The following RYR3 variants were observed in gnomAD, a reference collection of about 807,000 sequenced individuals.
RYR3 encodes brain ryanodine receptor-calcium release channel.
In RYR3, 207 loss-of-function variants were observed where a neutral mutation model predicts 584.3. That is an observed-to-expected ratio of 0.35 (90% confidence interval 0.32 to 0.40). RYR3 has a LOEUF of 0.40. Ranked by LOEUF, RYR3 falls within the 10% of genes least tolerant of loss-of-function variation. The pLI, the probability that RYR3 is intolerant of heterozygous loss-of-function variation, is 1.00. For missense variants in RYR3, 5,616 were observed against 6,089.2 expected, an observed-to-expected ratio of 0.92 and a Z score of 2.59; for synonymous variants, 2,416 against 2,248.5, an observed-to-expected ratio of 1.07 and a Z score of -2.11.
intron 1 of RYR3, among the ~76,000 whole-genome samples, chr15:33,364,130 T>C (rs1170516843): frequency 2.6e-5 from 4 of 152,202 alleles, no homozygotes; most frequent in Non-Finnish European, 5.9e-5. Flanking sequence ...ATGACAAATA[T>C]CTTGGATATA....
chr15:33,846,570 G>A (rs972284465), intron 93 of RYR3, among the ~76,000 whole-genome samples: 20 of 152,306 alleles, frequency 1.3e-4, no homozygotes, highest in Admixed American at 6.5e-4. Flanking sequence ...TTCCCAGGAA[G>A]AGTCCAGGAA....
chr15:33,620,292 G>A (rs1437435439), intron 19 of RYR3, among the ~76,000 whole-genome samples: 1 of 152,058 alleles, frequency 6.6e-6, no homozygotes, highest in East Asian at 1.9e-4. Flanking sequence ...CTTCCACGTG[G>A]TTTCTTGAAA....
intron 3 of RYR3, among the ~76,000 whole-genome samples, chr15:33,529,952 G>T (rs533342525): frequency 6.6e-6 from 1 of 152,286 alleles, no homozygotes; most frequent in African/African-American, 2.4e-5. Flanking sequence ...CACTGTTTGG[G>T]CAGCCACTGA....
intron 2 of RYR3, among the ~76,000 whole-genome samples, chr15:33,479,889 T>C (rs1319099206): frequency 6.6e-6 from 1 of 152,224 alleles, no homozygotes; most frequent in African/African-American, 2.4e-5. Flanking sequence ...AAACAGGAAC[T>C]AGTAAAATGC....
At chr15:33,658,249 T>C (rs1340524289) in intron 32 of RYR3, among the ~76,000 whole-genome samples, 1 of 152,176 alleles carries the variant, frequency 6.6e-6, no homozygotes, top group African/African-American at 2.4e-5. Flanking sequence ...CAGAATTCAA[T>C]TGCTTGCATT....
intron 64 of RYR3, among the ~76,000 whole-genome samples, chr15:33,777,659 G>A (rs1442440726): frequency 6.6e-6 from 1 of 152,012 alleles, no homozygotes; most frequent in African/African-American, 2.4e-5. Flanking sequence ...AGTCCCCTGA[G>A]TCAACACAGC....
At chr15:33,318,519 G>A (rs1357887439) in intron 1 of RYR3, among the ~76,000 whole-genome samples, 1 of 152,232 alleles carries the variant, frequency 6.6e-6, no homozygotes, top group Non-Finnish European at 1.5e-5. Flanking sequence ...AAAGGTGAGA[G>A]CACATGAGGG....
intron 70 of RYR3, among the ~76,000 whole-genome samples, chr15:33,810,100 A>T (rs1335898576): frequency 1.3e-5 from 2 of 152,092 alleles, no homozygotes. Context: ...ACTCTTTCAT[A>T]TTTTTAGTGA....
intron 87 of RYR3, among the ~76,000 whole-genome samples, chr15:33,836,584 G>A (rs773470085): frequency 3.9e-5 from 6 of 152,066 alleles, no homozygotes; most frequent in East Asian, 1.9e-4. Flanking sequence ...TAATGACAAC[G>A]TAAACTACTA....
At chr15:33,610,552 C>G (rs1334940148) in intron 18 of RYR3, among the ~76,000 whole-genome samples, 1 of 151,960 alleles carries the variant, frequency 6.6e-6, no homozygotes, top group Non-Finnish European at 1.5e-5. Context: ...TGTCAATTAC[C>G]CAAATTAATT....
At chr15:33,428,108 C>T (rs2044798901) in intron 1 of RYR3, among the ~76,000 whole-genome samples, 1 of 152,152 alleles carries the variant, frequency 6.6e-6, no homozygotes, top group Non-Finnish European at 1.5e-5. Context: ...GTGTCTTTGT[C>T]TTTGGTTTGT....
chr15:33,805,722 CCG>C (rs1215818161), intron 69 of RYR3, among the ~76,000 whole-genome samples: 1 of 151,846 alleles, frequency 6.6e-6, no homozygotes, highest in African/African-American at 2.4e-5. Context: ...CATGATCCGC[CCG>C]CCTCGGCCTC....
chr15:33,516,266 C>T (rs970145860), intron 3 of RYR3, among the ~76,000 whole-genome samples: 2 of 151,768 alleles, frequency 1.3e-5, no homozygotes, highest in African/African-American at 4.8e-5. Flanking sequence ...AGAGGCATGC[C>T]CCCCCCGAAA....
intron 1 of RYR3, among the ~76,000 whole-genome samples, chr15:33,450,381 G>A (rs1393783519): frequency 2.6e-5 from 4 of 152,136 alleles, no homozygotes. Flanking sequence ...GGGACTGGAT[G>A]CCACCAAGCC....
At chr15:33,470,461 A>G (rs1190307436) in intron 1 of RYR3, among the ~76,000 whole-genome samples, 2 of 143,748 alleles carry the variant, frequency 1.4e-5, no homozygotes, top group Non-Finnish European at 3.0e-5. Context: ...TATTTTCTCT[A>G]TCAAAAAAAA....
intron 1 of RYR3, among the ~76,000 whole-genome samples, chr15:33,335,147 A>G (rs1245586455): frequency 2.0e-5 from 3 of 152,220 alleles, no homozygotes; most frequent in Admixed American, 6.5e-5. Flanking sequence ...AAAGACAGAA[A>G]TACCATTCAA....
At position 33,635,790 on chromosome 15, in the gene RYR3, G is replaced by A; in HGVS notation, c.3352G>A (p.Asp1118Asn). 1 of 1,613,288 alleles carries A rather than the reference G, an allele frequency of 6.2e-7. No homozygotes were observed. The highest frequency in any genetic ancestry group is 2.2e-5 in the East Asian group (1 of 44,872). Residue 1118 changes from aspartate (D) to asparagine (N), a missense_variant, in exon 26 of 104, where the codon GAC (aspartate) becomes AAC (asparagine). Transcript: ENST00000634891. ...ACCTGATGTCGAGCTGGGGGCCGAT[G>A]ACCAAGCCTTTGTGTTTGAAGGCAA... Reference protein sequence around the residue: ...CRPDVELGADDQAFVFEGNRG... With the variant: ...CRPDVELGADNQAFVFEGNRG...
intron 16 of RYR3, among the ~76,000 whole-genome samples, chr15:33,590,865 T>C (rs908625334): frequency 7.2e-5 from 11 of 152,196 alleles, no homozygotes; most frequent in African/African-American, 2.7e-4. Flanking sequence ...GAATTGAGAC[T>C]ACATATAATG....
rs757951197 is a variant in RYR3, at chr15:33,524,610, T to C, written c.280-5982T>C. Among the ~76,000 whole-genome samples, 7 of 152,168 alleles carry C rather than the reference T, an allele frequency of 4.6e-5. No homozygotes were observed. In the South Asian group the frequency reaches 6.2e-4, roughly 14 times the overall value. On this transcript the variant is annotated intron_variant, in intron 3 of 103. Transcript: ENST00000634891. Reference sequence around the variant, plus strand: ...ACTTCCATATTGCTTTGCAAAAGGGTTGTATTCCGTACCACCTTGCCTGGA... The same window carrying C: ...ACTTCCATATTGCTTTGCAAAAGGGCTGTATTCCGTACCACCTTGCCTGGA...
Sources: gnomAD v4.1 joint callset for allele counts (sites outside exome capture counted in the v4.1 genomes callset) on GRCh38, gnomAD v4.1.1 for gene constraint, MANE v1.5 for transcripts, NCBI Gene and HGNC (gene_info 2026-07-23, HGNC 2026-07-21) for gene names.